OSTF1: variants seen among roughly 807,000 people sequenced by gnomAD.
OSTF1 encodes the protein osteoclast-stimulating factor 1.
OSTF1 carries 27 observed loss-of-function variants against 37.2 expected under a neutral mutation model. The observed-to-expected ratio is 0.73, with a 90% CI of 0.54 to 1.00. OSTF1 has a LOEUF of 1.00. Among genes scored for constraint, OSTF1 ranks in the 50% least tolerant of loss-of-function variants. The pLI is 0.00. For synonymous variants in OSTF1, 82 were observed against 89.2 expected (o/e 0.92, Z 0.46); for missense variants, 232 against 253.8 (o/e 0.91, Z 0.58).
intron 9 of OSTF1, among the ~76,000 whole-genome samples, chr9:75,144,432 G>T (rs1159190616): frequency 6.6e-6 from 1 of 152,130 alleles, no homozygotes; most frequent in Non-Finnish European, 1.5e-5. Context: ...CATGCCTGTA[G>T]TCTTAGCTAC....
Position 75,088,587 on chromosome 9 carries a change from G to C in OSTF1, c.-106G>C. 3 of 1,240,272 alleles carry C rather than the reference G, an allele frequency of 2.4e-6. No individual in the cohort carries two copies. Among genetic ancestry groups the C allele is most frequent in the Non-Finnish European group, 2.3e-6 (2 of 864,542 alleles). The allele number at this position is 1,240,272 out of a possible 1,614,324, so 76.8% of individuals were successfully genotyped here. On this transcript the variant is annotated 5_prime_UTR_variant, in exon 1 of 10. Transcript: ENST00000346234. ...TGGGCGCCGGTCCTAGGAGGCGCACGGTTGTAAGCCAGACAAAAAGAACTG... is the reference window on the plus strand; with the variant it reads ...TGGGCGCCGGTCCTAGGAGGCGCACCGTTGTAAGCCAGACAAAAAGAACTG...
intron 2 of OSTF1, 89 bp downstream of exon 2, chr9:75,117,639 T>G: frequency 1.1e-6 from 1 of 936,760 alleles, no homozygotes; most frequent in Admixed American, 1.9e-5. Flanking sequence ...ATGGTCTGCC[T>G]TTTCTTTGAT....
chr9:75,127,504 A>AAAT, intron 2 of OSTF1, 65 bp from the exon 3 acceptor site: 1 of 857,238 alleles, frequency 1.2e-6, no homozygotes, highest in Non-Finnish European at 1.9e-6. Flanking sequence ...AGAATTTTGA[A>AAAT]TCTATATAAT....
chr9:75,141,312 C>CAAAAAAAA (rs529293090), intron 9 of OSTF1, among the ~76,000 whole-genome samples: 85 of 71,652 alleles, frequency 1.2e-3, no homozygotes, highest in East Asian at 1.6e-3. Context: ...AAAAGAAAAC[C>CAAAAAAAA]AAAAAAAAAA....
At chr9:75,117,992 G>A (rs891507879) in intron 2 of OSTF1, among the ~76,000 whole-genome samples, 3 of 152,006 alleles carry the variant, frequency 2.0e-5, no homozygotes, top group East Asian at 3.9e-4. Flanking sequence ...TCCGGTATCC[G>A]TCCATTTATC....
chr9:75,095,214 G>C (rs1301949420), intron 1 of OSTF1, among the ~76,000 whole-genome samples: 1 of 152,150 alleles, frequency 6.6e-6, no homozygotes, highest in Non-Finnish European at 1.5e-5. Context: ...GCTTACACAC[G>C]TAAATCCATA....
intron 1 of OSTF1, among the ~76,000 whole-genome samples, chr9:75,110,385 G>A (rs140162903): frequency 6.0e-4 from 92 of 152,194 alleles, no homozygotes; most frequent in African/African-American, 2.0e-3. Flanking sequence ...TTAGTAATAC[G>A]CATTTTAGTT....
chr9:75,123,249 G>A (rs962597433), intron 2 of OSTF1, among the ~76,000 whole-genome samples: 15 of 152,220 alleles, frequency 9.9e-5, no homozygotes, highest in Non-Finnish European at 1.9e-4. Flanking sequence ...GTGAAACCCC[G>A]TCTCTACTAA....
intron 1 of OSTF1, among the ~76,000 whole-genome samples, chr9:75,109,733 A>G (rs949919737): frequency 2.6e-5 from 4 of 152,194 alleles, no homozygotes; most frequent in Admixed American, 6.5e-5. Flanking sequence ...TCCACTCCCA[A>G]AAATGCAACT....
chr9:75,142,364 C>G (rs1447646175), intron 9 of OSTF1, among the ~76,000 whole-genome samples: 1 of 152,076 alleles, frequency 6.6e-6, no homozygotes, highest in Non-Finnish European at 1.5e-5. Context: ...TTGATTGGGT[C>G]AGGAAGTAGG....
chr9:75,100,541 C>A (rs754660495), intron 1 of OSTF1, among the ~76,000 whole-genome samples: 1 of 152,022 alleles, frequency 6.6e-6, no homozygotes, highest in Non-Finnish European at 1.5e-5. Context: ...ACCAGCCTGG[C>A]CAACATGGCG....
chr9:75,123,338 C>T (rs760465790), intron 2 of OSTF1, among the ~76,000 whole-genome samples: 2 of 152,168 alleles, frequency 1.3e-5, no homozygotes, highest in African/African-American at 2.4e-5. Flanking sequence ...AGGAGAATGG[C>T]GTGAACCCTT....
At chr9:75,099,984 T>C (rs1825161597) in intron 1 of OSTF1, among the ~76,000 whole-genome samples, 1 of 152,256 alleles carries the variant, frequency 6.6e-6, no homozygotes, top group Admixed American at 6.5e-5. Context: ...TGAAAATTAT[T>C]ATAGTGCTCA....
chr9:75,133,537 C>T (rs764688221), intron 6 of OSTF1, 136 bp downstream of exon 6: 58 of 592,032 alleles, frequency 9.8e-5, no homozygotes, highest in Non-Finnish European at 1.7e-4. Flanking sequence ...GGCCAAAACC[C>T]TTGTTCCTGG....
At chr9:75,131,851 A>G (rs533449696) in intron 5 of OSTF1, 28 bp downstream of exon 5, 3 of 1,567,242 alleles carry the variant, frequency 1.9e-6, no homozygotes, top group Admixed American at 1.7e-5. Flanking sequence ...TGACTGAGGT[A>G]TGCAGTACAG....
chr9:75,115,113 A>G (rs1391642623), intron 1 of OSTF1, among the ~76,000 whole-genome samples: 1 of 152,230 alleles, frequency 6.6e-6, no homozygotes, highest in African/African-American at 2.4e-5. Context: ...ATATCATAAA[A>G]CATGTTCAAA....
intron 1 of OSTF1, among the ~76,000 whole-genome samples, chr9:75,113,959 A>G (rs550310927): frequency 6.6e-6 from 1 of 152,332 alleles, no homozygotes; most frequent in South Asian, 2.1e-4. Context: ...CCTACCCGCC[A>G]GCCTCTGGCA....
At chr9:75,119,615 T>G (rs1451006464) in intron 2 of OSTF1, among the ~76,000 whole-genome samples, 4 of 152,240 alleles carry the variant, frequency 2.6e-5, no homozygotes, top group Non-Finnish European at 5.9e-5. Context: ...CAGACTTCTC[T>G]CCATGTCTTC....
At chr9:75,119,617 C>T (rs567539147) in intron 2 of OSTF1, among the ~76,000 whole-genome samples, 5 of 152,310 alleles carry the variant, frequency 3.3e-5, no homozygotes, top group Non-Finnish European at 5.9e-5. Flanking sequence ...GACTTCTCTC[C>T]ATGTCTTCTT....
Sources: allele counts gnomAD v4.1 joint callset (sites outside exome capture counted in the v4.1 genomes callset), GRCh38; gene constraint gnomAD v4.1.1; transcripts MANE v1.5; gene names NCBI Gene and HGNC (gene_info 2026-07-23, HGNC 2026-07-21).